The following SENP7 variants were observed in gnomAD, a reference collection of about 807,000 sequenced individuals.
SENP7 encodes SUMO specific peptidase 7.
SENP7 carries 64 observed loss-of-function variants against 141.2 expected under a neutral mutation model. The observed-to-expected ratio is 0.45, with a 90% CI of 0.37 to 0.56. The LOEUF (loss-of-function observed/expected upper bound fraction) is 0.56, where lower values mean the gene tolerates loss of function less well. Among genes scored for constraint, SENP7 ranks in the 20% least tolerant of loss-of-function variants. The probability of loss-of-function intolerance (pLI) is 0.00; values close to 1 mark genes in which losing one functional copy is unlikely to be tolerated. For synonymous variants in SENP7, 382 were observed against 426.4 expected, an observed-to-expected ratio of 0.90 and a Z score of 1.28; for missense variants, 1,025 against 1,212.2, an observed-to-expected ratio of 0.85 and a Z score of 2.29.
intron 3 of SENP7, among the ~76,000 whole-genome samples, chr3:101,489,614 A>C (rs1159286493): frequency 6.6e-6 from 1 of 152,230 alleles, no homozygotes; most frequent in African/African-American, 2.4e-5. Context: ...GACTTAACTA[A>C]TTATATATGC....
chr3:101,366,561 T>A lies in SENP7; in HGVS notation c.1187A>T (p.Asn396Ile). The A allele has an allele frequency of 8.7e-6, 14 of 1,613,886 alleles. No homozygotes were observed. The highest frequency in any genetic ancestry group is 1.1e-5 in the Non-Finnish European group (13 of 1,179,818). Residue 396 changes from asparagine to isoleucine, a missense_variant, in exon 9 of 24, where the codon AAC (asparagine) becomes ATC (isoleucine). Asn to Ile is a moderately radical substitution (Grantham distance 149, BLOSUM62 -3). Coordinates refer to ENST00000394095, the MANE Select transcript of SENP7 (RefSeq NM_020654.5). ...SAGSTTETVENSNSIDIVGIS... is the reference protein window; with the variant it reads ...SAGSTTETVEISNSIDIVGIS... ...CCCCACAATATCAATGGAATTAGAG[T>A]TCTCAACGGTTTCAGTGGTTGAACC...
Position 101,400,431 on chromosome 3 carries a change from C to T in SENP7, c.483-1376G>A, listed in dbSNP as rs528598846. Among the ~76,000 whole-genome samples the T allele has an allele frequency of 2.0e-5, 3 of 151,860 alleles. No homozygotes were observed. In the East Asian group the frequency reaches 5.8e-4, roughly 29 times the overall value. ...GAGTAGAACACATCTATCAGCATGACTTTTCCAACAGCATGTGCTCACTTT... is the reference window on the plus strand; with the variant it reads ...GAGTAGAACACATCTATCAGCATGATTTTTCCAACAGCATGTGCTCACTTT... On this transcript the variant is annotated intron_variant, in intron 5 of 23. Transcript: ENST00000394095.
In SENP7 at chr3:101,341,715, T is replaced by C; in HGVS notation, c.2171A>G (p.Tyr724Cys). The part of the protein sequence containing the change: ...TFLQKQSSGC[Y>C]SLSITSNPDE... The stretch of plus-strand genomic sequence containing the variant: ...TGGATTAGATGTAATAGAAAGGGAG[T>C]AGCAACCGCTACTTTGCTTCTGCAG... Residue 724 changes from tyrosine to cysteine, a missense_variant, in exon 15 of 24, where the codon TAC becomes TGC. By Grantham distance (194) the Tyr-to-Cys change is radical. Coordinates refer to ENST00000394095, the MANE Select transcript of SENP7 (RefSeq NM_020654.5). The C allele has an allele frequency of 2.5e-6, 4 of 1,611,728 alleles. No individual in the cohort carries two copies. Among genetic ancestry groups the C allele is most frequent in the Non-Finnish European group, 3.4e-6 (4 of 1,178,378 alleles).
chr3:101,333,046 A>T, intron 17 of SENP7, 184 bp from the exon 18 acceptor site: 1 of 563,118 alleles, frequency 1.8e-6, no homozygotes, highest in Non-Finnish European at 2.9e-6. Context: ...CTTAAATTTA[A>T]TAACTATAAA....
chr3:101,410,081 A>T (rs1200491881), intron 5 of SENP7, among the ~76,000 whole-genome samples: 2 of 152,194 alleles, frequency 1.3e-5, no homozygotes, highest in Non-Finnish European at 2.9e-5. Flanking sequence ...ATGCAAACAA[A>T]TCAACAAGAA....
intron 1 of SENP7, among the ~76,000 whole-genome samples, chr3:101,508,162 T>C (rs1249827484): frequency 1.3e-5 from 2 of 152,032 alleles, no homozygotes; most frequent in Non-Finnish European, 2.9e-5. Flanking sequence ...TCTTGGTTCA[T>C]AGTTTACGTA....
intron 1 of SENP7, among the ~76,000 whole-genome samples, chr3:101,504,653 G>A (rs574968879): frequency 1.9e-3 from 291 of 152,136 alleles, no homozygotes; most frequent in Non-Finnish European, 3.5e-3. Context: ...TATACACAAT[G>A]GAATACTATT....
chr3:101,435,421 G>A (rs2062347823), intron 4 of SENP7, among the ~76,000 whole-genome samples: 1 of 152,002 alleles, frequency 6.6e-6, no homozygotes, highest in Admixed American at 6.6e-5. Context: ...ACATAGTATT[G>A]GAAGTCCTAG....
chr3:101,361,572 T>A, intron 11 of SENP7, 143 bp downstream of exon 11: 1 of 836,372 alleles, frequency 1.2e-6, no homozygotes, highest in Non-Finnish European at 1.6e-6. Flanking sequence ...AAATTAGGTA[T>A]AATGACTTTC....
chr3:101,452,255 G>C (rs1222408765), intron 4 of SENP7, among the ~76,000 whole-genome samples: 1 of 152,172 alleles, frequency 6.6e-6, no homozygotes, highest in African/African-American at 2.4e-5. Flanking sequence ...CTCATGGGTA[G>C]GAAGAATCAA....
chr3:101,482,181 C>T (rs960628312), intron 3 of SENP7, among the ~76,000 whole-genome samples: 7 of 151,746 alleles, frequency 4.6e-5, no homozygotes, highest in South Asian at 2.1e-4. Context: ...GGTGTGGTGG[C>T]GGGCACCTGT....
rs2061667594 is a variant in SENP7 at position 101,417,711 on chromosome 3, C to A, written c.364G>T (p.Ala122Ser). The A allele has an allele frequency of 6.2e-7, 1 of 1,613,852 alleles. No homozygotes were observed. ...KFRKTLPRND[A>S]NLCDANKVQS... ...ACCTTGTTGGCATCACATAAATTAGCATCGTTTCTAGGTAGGGTCTTTCTG... is the reference window on the plus strand; with the variant it reads ...ACCTTGTTGGCATCACATAAATTAGAATCGTTTCTAGGTAGGGTCTTTCTG... The change falls in exon 5 of 24, where the codon GCT becomes TCT. Residue 122 changes from alanine to serine, a missense_variant. This residue lies in a region of SENP7 where 496 missense variants were observed against 503.5 expected (regional missense o/e 0.99). Coordinates refer to ENST00000394095, the MANE Select transcript of SENP7 (RefSeq NM_020654.5).
chr3:101,364,914 G>A lies in SENP7; in HGVS notation c.1396C>T (p.Arg466Cys), dbSNP rs765234689. Residue 466 changes from arginine (R) to cysteine (C), a missense_variant, in exon 10 of 24, where the codon CGT becomes TGT. By Grantham distance (180) the Arg-to-Cys change is radical. Transcript: ENST00000394095. ...CTCTCATTTTCATTAGTTGTCTCAC[G>A]GTCTTGCTTAGATTGTAACTTAAGA... ...EILKLQSKQDRETTNENESTS... is the reference protein window; with the variant it reads ...EILKLQSKQDCETTNENESTS... 6.2e-6 allele frequency: 10 copies of A among 1,601,048 alleles called. No homozygotes were observed. The highest frequency in any genetic ancestry group is 2.7e-5 in the African/African-American group (2 of 74,372).
At chr3:101,466,317 A>T (rs2063755705) in intron 3 of SENP7, among the ~76,000 whole-genome samples, 1 of 152,220 alleles carries the variant, frequency 6.6e-6, no homozygotes, top group South Asian at 2.1e-4. Flanking sequence ...TACAAGGTAT[A>T]TCATAGTCAA....
At chr3:101,415,389 G>A (rs1380620586) in intron 5 of SENP7, among the ~76,000 whole-genome samples, 1 of 152,206 alleles carries the variant, frequency 6.6e-6, no homozygotes, top group South Asian at 2.1e-4. Flanking sequence ...CCCTGAGGCT[G>A]TGTGTAGCAA....
chr3:101,478,594 T>C (rs977538406), intron 3 of SENP7, among the ~76,000 whole-genome samples: 5 of 152,166 alleles, frequency 3.3e-5, no homozygotes, highest in Admixed American at 1.3e-4. Context: ...CCTGATGGCT[T>C]CATTGCCAAT....
chr3:101,386,050 AAATT>A, intron 6 of SENP7, among the ~76,000 whole-genome samples: 1 of 152,200 alleles, frequency 6.6e-6, no homozygotes, highest in Non-Finnish European at 1.5e-5. Flanking sequence ...GATAAAAAAA[AAATT>A]AATGAGGGGC....
intron 6 of SENP7, among the ~76,000 whole-genome samples, chr3:101,395,121 T>G (rs2060930139): frequency 6.6e-6 from 1 of 152,200 alleles, no homozygotes; most frequent in African/African-American, 2.4e-5. Flanking sequence ...TGTTGATGGG[T>G]TGGCTCCTTA....
At chr3:101,426,490 T>C (rs1324608597) in intron 4 of SENP7, among the ~76,000 whole-genome samples, 1 of 151,898 alleles carries the variant, frequency 6.6e-6, no homozygotes, top group African/African-American at 2.4e-5. Context: ...AAGATTTTTT[T>C]TTTTTTTTAG....
Sources: gnomAD v4.1 joint callset for allele counts (sites outside exome capture counted in the v4.1 genomes callset) on GRCh38, gnomAD v4.1.1 for gene constraint, gnomAD v4.1.1 regional missense constraint, MANE v1.5 for transcripts, NCBI Gene and HGNC (gene_info 2026-07-23, HGNC 2026-07-21) for gene names.